The following ADCK5 variants were observed in gnomAD, a reference collection of about 807,000 sequenced individuals.
The protein encoded by ADCK5 is uncharacterized aarF domain-containing protein kinase 5.
ADCK5 carries 43 observed loss-of-function variants against 64.9 expected under a neutral mutation model. The ratio of observed to expected loss-of-function variants is 0.66; its 90% CI spans 0.52 to 0.85. The LOEUF is 0.85. Ranked by LOEUF, ADCK5 falls within the 40% of genes least tolerant of loss-of-function variation. The pLI is 0.00. For missense variants in ADCK5, 760 were observed against 810.5 expected (o/e 0.94, Z 0.76); for synonymous variants, 434 against 342.8 (o/e 1.27, Z -2.94).
At chr8:144,374,606 C>T (rs1001943346) in intron 1 of ADCK5, among the ~76,000 whole-genome samples, 10 of 152,128 alleles carry the variant, frequency 6.6e-5, no homozygotes, top group African/African-American at 2.4e-4. Flanking sequence ...CGCGGGGAAG[C>T]CTCAGGCGCC....
At position 144,392,080 on chromosome 8, in the gene ADCK5, C is replaced by T. The variant is rs1554860930; in HGVS notation, c.1097-12C>T. The T allele has an allele frequency of 3.1e-6, 5 of 1,612,294 alleles. No individual in the cohort carries two copies. Among genetic ancestry groups the T allele is most frequent in the Non-Finnish European group, 4.2e-6 (5 of 1,179,936 alleles). ...GGTGGGCGCAGCGCGACCTAAGAGGCTGTATCCCTAGTTCTGGTGCGGAAA... is the reference window on the plus strand; with the variant it reads ...GGTGGGCGCAGCGCGACCTAAGAGGTTGTATCCCTAGTTCTGGTGCGGAAA... On this transcript the variant is annotated splice_polypyrimidine_tract_variant and intron_variant, in intron 10 of 14. Transcript: ENST00000308860.
At chr8:144,381,696 G>A (rs1472165634) in intron 2 of ADCK5, among the ~76,000 whole-genome samples, 2 of 151,400 alleles carry the variant, frequency 1.3e-5, no homozygotes, top group African/African-American at 2.4e-5. Flanking sequence ...TATGGGCCGG[G>A]TGTAGAAACA....
intron 2 of ADCK5, among the ~76,000 whole-genome samples, 163 bp from the exon 3 acceptor site, chr8:144,382,917 GC>G (rs1175507509): frequency 6.6e-6 from 1 of 152,234 alleles, no homozygotes; most frequent in Non-Finnish European, 1.5e-5. Flanking sequence ...TGGTGCAGGG[GC>G]TCAGGGAAGG....
rs1819842529 is a variant in ADCK5, at chr8:144,384,907, C to G, written c.266+1677C>G. ...CACGTTCTCCTTGGCTCTAAGCCGT[C>G]ACGGTTGCATAGACAAGCAGGCCTG... On this transcript the variant is annotated intron_variant, in intron 3 of 14. Transcript: ENST00000308860. The surrounding 1 kb of genome is among the most constrained non-coding windows in gnomAD (Gnocchi z 5.7). Among the ~76,000 whole-genome samples the G allele has an allele frequency of 6.6e-6, 1 of 152,194 alleles. No homozygotes were observed. The highest frequency in any genetic ancestry group is 2.4e-5 in the African/African-American group (1 of 41,454).
intron 13 of ADCK5, 21 bp downstream of exon 13, chr8:144,392,718 C>T (rs1554861496): frequency 1.3e-6 from 2 of 1,589,734 alleles, no homozygotes; most frequent in Non-Finnish European, 1.7e-6. Flanking sequence ...CGAGGAGGCG[C>T]CCGGGCCGTG....
At chr8:144,375,504 C>A in intron 1 of ADCK5, 4 of 985,506 alleles carry the variant, frequency 4.1e-6, no homozygotes, top group Non-Finnish European at 4.8e-6. Flanking sequence ...TTGCTTCTCA[C>A]TGCTGCGGCC....
At chr8:144,374,233 A>T in intron 1 of ADCK5, 126 bp downstream of exon 1, 1 of 942,872 alleles carries the variant, frequency 1.1e-6, no homozygotes, top group Non-Finnish European at 1.4e-6. Flanking sequence ...TTTTTGAGGC[A>T]GGGTCTCGCT....
chr8:144,391,810 G>C lies in ADCK5; in HGVS notation c.958G>C (p.Gly320Arg). The C allele has an allele frequency of 6.4e-7, 1 of 1,571,116 alleles. No homozygotes were observed. Among genetic ancestry groups the C allele is most frequent in the African/African-American group, 1.3e-5 (1 of 74,468 alleles). ...KRVLTADFCA[G>R]CKVNDVEAIR... ...CGTGCTCACTGCCGACTTCTGCGCC[G>C]GCTGCAAGGTCAACGATGTGGAGGC... The change falls in exon 9 of 15, where the codon GGC becomes CGC. Residue 320 changes from glycine (G) to arginine (R), a missense_variant. Transcript: ENST00000308860.
rs1353217496 is a variant in ADCK5 at position 144,392,716 on chromosome 8, C to T, written c.1520+19C>T. On this transcript the variant is annotated intron_variant, in intron 13 of 14. Transcript: ENST00000308860. ...CTAAAAGGTCGGTGGCCCGAGGAGG[C>T]GCCCGGGCCGTGGTGGGGCTGGTGT... 5 of 1,588,738 alleles carry T rather than the reference C, an allele frequency of 3.1e-6. No individual in the cohort carries two copies. The highest frequency in any genetic ancestry group is 2.6e-6 in the Non-Finnish European group (3 of 1,167,500).
rs1554860645 is a variant in ADCK5 at position 144,391,616 on chromosome 8, G to A, written c.835G>A (p.Glu279Lys). Residue 279 changes from glutamate to lysine, a missense_variant, in exon 8 of 15, where the codon GAG (glutamate) becomes AAG (lysine). Coordinates refer to ENST00000308860, the MANE Select transcript of ADCK5 (RefSeq NM_174922.5). ...GACCCTGGCCCAGGAGCTGGACTTC[G>A]AGAATGAGGGCCGCAACGCAGAGCG... Reference protein sequence around the residue: ...KGTLAQELDFENEGRNAERCA... With the variant: ...KGTLAQELDFKNEGRNAERCA... 2 of 1,568,764 alleles carry A rather than the reference G, an allele frequency of 1.3e-6. No homozygotes were observed. Among genetic ancestry groups the A allele is most frequent in the East Asian group, 2.3e-5 (1 of 43,240 alleles).
chr8:144,391,672 C>A lies in ADCK5; in HGVS notation c.891C>A (p.Tyr297Ter). Residue 297 changes from tyrosine (Y) to a stop codon, truncating the protein, a stop_gained, in exon 8 of 15, where the codon TAC becomes TAA. Transcript: ENST00000308860. LOFTEE classifies it high-confidence loss of function. ...RCARELAHFP[Y>*]VVVPRVHWDK... Reference sequence around the variant, plus strand: ...CGCGGGAGCTGGCGCACTTCCCCTACGTCGTGGTGCCCCGCGTGCACTGGG... The same window carrying A: ...CGCGGGAGCTGGCGCACTTCCCCTAAGTCGTGGTGCCCCGCGTGCACTGGG... 1.3e-6 allele frequency: 2 copies of A among 1,542,594 alleles called. No individual in the cohort carries two copies. Among genetic ancestry groups the A allele is most frequent in the Non-Finnish European group, 8.7e-7 (1 of 1,148,122 alleles).
In ADCK5 at chr8:144,383,064, G is replaced by T. The variant is rs781939498; in HGVS notation, c.117-17G>T. On this transcript the variant is annotated splice_polypyrimidine_tract_variant and intron_variant, in intron 2 of 14. Transcript: ENST00000308860. Reference sequence around the variant, plus strand: ...ATGTGGGGGGCGGCGCCTCCAGGCTGCATTGTCTCTCCTCAGGTTCTCCAG... The same window carrying T: ...ATGTGGGGGGCGGCGCCTCCAGGCTTCATTGTCTCTCCTCAGGTTCTCCAG... 7 of 1,583,002 alleles carry T rather than the reference G, an allele frequency of 4.4e-6. No homozygotes were observed. In the South Asian group the frequency reaches 4.6e-5, roughly 10 times the overall value.
intron 6 of ADCK5, 35 bp downstream of exon 6, chr8:144,391,309 G>T (rs1554860466): frequency 1.2e-6 from 2 of 1,612,244 alleles, no homozygotes; most frequent in East Asian, 2.2e-5. Flanking sequence ...CAGTGGGCTG[G>T]GGCGGGGCAC....
intron 2 of ADCK5, among the ~76,000 whole-genome samples, chr8:144,382,552 T>C (rs1469551701): frequency 6.6e-6 from 1 of 152,232 alleles, no homozygotes; most frequent in Non-Finnish European, 1.5e-5. Flanking sequence ...TCAGCAAGTA[T>C]TGGGCTTCTG....
In ADCK5 at chr8:144,392,531, G is replaced by C; in HGVS notation, c.1354G>C (p.Ala452Pro). Residue 452 changes from alanine to proline, a missense_variant, in exon 13 of 15, where the codon GCG (alanine) becomes CCG (proline). Coordinates refer to ENST00000308860, the MANE Select transcript of ADCK5 (RefSeq NM_174922.5). ...CTCGCACCTACTGAGCCGCGAAGAG[G>C]CGGCCTACATGGTGGACATGGCCCG... ...WGSHLLSREE[A>P]AYMVDMARER... 1 of 1,557,086 alleles carries C rather than the reference G, an allele frequency of 6.4e-7. No individual in the cohort carries two copies. The highest frequency in any genetic ancestry group is 8.6e-7 in the Non-Finnish European group (1 of 1,157,340).
chr8:144,383,021 A>C (rs1238777721), intron 2 of ADCK5, 60 bp from the exon 3 acceptor site: 1 of 1,554,298 alleles, frequency 6.4e-7, no homozygotes, highest in Non-Finnish European at 8.7e-7. Context: ...GTGGGGGCAG[A>C]GATCAGAGCC....
chr8:144,386,604 C>T lies in ADCK5; in HGVS notation c.266+3374C>T, dbSNP rs559364957. 1.2e-3 allele frequency among the ~76,000 whole-genome samples: 190 copies of T among 152,242 alleles called. 1 individual carries two copies. The highest frequency in any genetic ancestry group is 4.2e-3 in the African/African-American group (174 of 41,536). On this transcript the variant is annotated intron_variant, in intron 3 of 14. Transcript: ENST00000308860. ...AACTGCTGACCTCAAGTGATCTGCC[C>T]GCCTCGGACTCCCAAAGTGCTGGGA... is the stretch of plus-strand genomic sequence containing the variant.
At chr8:144,392,415 C>CCCAA in intron 12 of ADCK5, 30 bp from the exon 13 acceptor site, 7 of 1,320,078 alleles carry the variant, frequency 5.3e-6, no homozygotes, top group Non-Finnish European at 6.9e-6. Flanking sequence ...ACTCAGAGCC[C>CCCAA]CCTCCCTCCC....
At chr8:144,385,811 A>G (rs1305407747) in intron 3 of ADCK5, among the ~76,000 whole-genome samples, 22 of 150,006 alleles carry the variant, frequency 1.5e-4, no homozygotes, top group Non-Finnish European at 3.0e-4. Context: ...AAAAATACAA[A>G]AAATTAGCCG....
Sources: allele counts gnomAD v4.1 joint callset (sites outside exome capture counted in the v4.1 genomes callset), GRCh38; gene constraint gnomAD v4.1.1; non-coding constraint Gnocchi (gnomAD v3.1); transcripts MANE v1.5; gene names NCBI Gene and HGNC (gene_info 2026-07-23, HGNC 2026-07-21).